Variants in CMYA5 observed in about 807,000 individuals in gnomAD.
CMYA5 encodes the protein cardiomyopathy associated 5, also known as cardiomyopathy-associated protein 5.
CMYA5 carries 246 observed loss-of-function variants against 318.9 expected under a neutral mutation model. The observed-to-expected ratio is 0.77, with a 90% CI of 0.70 to 0.86. CMYA5 has a LOEUF of 0.86. Among genes scored for constraint, CMYA5 ranks in the 40% least tolerant of loss-of-function variants. The pLI is 0.00. For missense variants in CMYA5, 4,589 were observed against 4,678.2 expected (o/e 0.98, Z 0.56); for synonymous variants, 1,641 against 1,729.5 (o/e 0.95, Z 1.27).
rs369373047 is a variant in CMYA5 at position 79,733,047 on chromosome 5, G to A, written c.4282G>A (p.Glu1428Lys). ...GGCAATTAAAGGTGCTTCTCCCATT[G>A]AAACTTCATCCAAACATTTAGCTTG... Reference protein sequence around the residue: ...KVAIKGASPIETSSKHLAWSE... With the variant: ...KVAIKGASPIKTSSKHLAWSE... The change falls in exon 2 of 13, where the codon GAA becomes AAA. Residue 1428 changes from glutamate to lysine, a missense_variant. Transcript: ENST00000446378. 1.5e-4 allele frequency: 237 copies of A among 1,613,264 alleles called. No individual in the cohort carries two copies. Among genetic ancestry groups the A allele is most frequent in the Non-Finnish European group, 1.9e-4 (221 of 1,179,646 alleles).
In CMYA5 at chr5:79,758,064, T is replaced by C. The variant is rs181540698; in HGVS notation, c.11111-689T>C. Reference sequence around the variant, plus strand: ...GACCAATATGGTGAACCCCCACCTCTACTAAAAATACAAAAATTAGCCAGG... The same window carrying C: ...GACCAATATGGTGAACCCCCACCTCCACTAAAAATACAAAAATTAGCCAGG... On this transcript the variant is annotated intron_variant, in intron 6 of 12. Coordinates refer to ENST00000446378, the MANE Select transcript of CMYA5 (RefSeq NM_153610.5). Among the ~76,000 whole-genome samples, 5 of 152,126 alleles carry C rather than the reference T, an allele frequency of 3.3e-5. No individual in the cohort carries two copies. The East Asian group carries it at 9.7e-4, about 29-fold the overall frequency.
chr5:79,712,488 C>T (rs566199077), intron 1 of CMYA5, among the ~76,000 whole-genome samples: 2 of 152,082 alleles, frequency 1.3e-5, no homozygotes, highest in African/African-American at 4.8e-5. Context: ...TCTAGGATTA[C>T]AGGCATGAGC....
chr5:79,774,843 G>A (rs151259769), intron 9 of CMYA5, among the ~76,000 whole-genome samples: 6 of 152,290 alleles, frequency 3.9e-5, no homozygotes, highest in African/African-American at 1.4e-4. Flanking sequence ...GACAAATAAG[G>A]GTAAGTTTCC....
At chr5:79,704,648 A>G (rs1274523898) in intron 1 of CMYA5, among the ~76,000 whole-genome samples, 1 of 152,078 alleles carries the variant, frequency 6.6e-6, no homozygotes, top group Non-Finnish European at 1.5e-5. Flanking sequence ...ATTTTCTGTT[A>G]CTGAGGGTGC....
At chr5:79,753,316 T>C (rs1017359427) in intron 6 of CMYA5, among the ~76,000 whole-genome samples, 20 of 152,286 alleles carry the variant, frequency 1.3e-4, no homozygotes, top group African/African-American at 4.8e-4. Context: ...GTCAGAAGCA[T>C]CCTGCCAGCT....
chr5:79,730,100 A>G lies in CMYA5; in HGVS notation c.1335A>G (p.Ala445=), dbSNP rs780060750. 2 of 1,613,814 alleles carry G rather than the reference A, an allele frequency of 1.2e-6. No homozygotes were observed. The highest frequency in any genetic ancestry group is 1.7e-6 in the Non-Finnish European group (2 of 1,179,884). Residue 445 remains alanine (A), a synonymous_variant, in exon 2 of 13, where the codon GCA becomes GCG. Coordinates refer to ENST00000446378, the MANE Select transcript of CMYA5 (RefSeq NM_153610.5). Reference sequence around the variant, plus strand: ...AGGCAGCGTCACCAGGTCTGGCAGCATCTACCCAGGATGGTTTGGACCCAG... The same window carrying G: ...AGGCAGCGTCACCAGGTCTGGCAGCGTCTACCCAGGATGGTTTGGACCCAG... ...SLEAASPGLA[A]STQDGLDPDQ...
intron 1 of CMYA5, among the ~76,000 whole-genome samples, chr5:79,690,479 C>CAGTA (rs1180481661): frequency 6.6e-6 from 1 of 152,096 alleles, no homozygotes; most frequent in East Asian, 1.9e-4. Flanking sequence ...GGGGGCCTAG[C>CAGTA]AGTAGGCTAG....
In CMYA5 at chr5:79,742,083, CTTCTTCTTCTTCTTCTTTCTTCTTCTCT is replaced by C. The variant is rs1561215595; in HGVS notation, c.10639-1742_10639-1715del. Reference sequence around the variant, plus strand: ...TCTTCTTCTTCTTCTTCTTCTTCTTCTTCTTCTTCTTCTTCTTTCTTCTTCTCTTCTTCTTCTTCTTCCTCCTCCTCCC... The same window carrying C: ...TCTTCTTCTTCTTCTTCTTCTTCTTCTCTTCTTCTTCTTCCTCCTCCTCCC... On this transcript the variant is annotated intron_variant, in intron 2 of 12. Transcript: ENST00000446378. 3.9e-4 allele frequency among the ~76,000 whole-genome samples: 44 copies of C among 111,420 alleles called. 1 individual carries two copies. The highest frequency in any genetic ancestry group is 1.5e-3 in the African/African-American group (38 of 25,732). 73.1% of individuals were successfully genotyped at this position (111,420 alleles called of 152,430 possible).
At chr5:79,721,309 C>T (rs1028453300) in intron 1 of CMYA5, among the ~76,000 whole-genome samples, 21 of 151,682 alleles carry the variant, frequency 1.4e-4, no homozygotes, top group Non-Finnish European at 2.9e-4. Flanking sequence ...CATATTGAGA[C>T]CCCCATGTCT....
In CMYA5 at chr5:79,758,843, T is replaced by C; in HGVS notation, c.11201T>C (p.Val3734Ala). 22 of 1,605,932 alleles carry C rather than the reference T, an allele frequency of 1.4e-5. No homozygotes were observed. Among genetic ancestry groups the C allele is most frequent in the Non-Finnish European group, 1.9e-5 (22 of 1,176,286 alleles). Residue 3734 changes from valine (V) to alanine (A), a missense_variant, in exon 7 of 13, where the codon GTC becomes GCC. Coordinates refer to ENST00000446378, the MANE Select transcript of CMYA5 (RefSeq NM_153610.5). ...AVYWSMNKED[V>A]IDSFQVYCME... ...TACTGGAGCATGAACAAGGAAGATG[T>C]CATTGATTCATTTCAGGTTTACTGC... is the stretch of plus-strand genomic sequence containing the variant.
Position 79,739,394 on chromosome 5 carries a change from T to C in CMYA5, c.10629T>C (p.Ser3543=). ...HEVSTLDTAI[S]AVKVQLAEFL... ...TTTCAACGCTTGACACAGCTATAAG[T>C]GCTGTAAAGGTAAATAGATGTTGAA... is the stretch of plus-strand genomic sequence containing the variant. Residue 3543 remains serine (S), a synonymous_variant, in exon 2 of 13, where the codon AGT becomes AGC. Transcript: ENST00000446378. The C allele has an allele frequency of 6.6e-7, 1 of 1,526,292 alleles. No homozygotes were observed. The highest frequency in any genetic ancestry group is 8.8e-7 in the Non-Finnish European group (1 of 1,137,966). 94.5% of individuals were successfully genotyped at this position (1,526,292 alleles called of 1,614,324 possible). A position where few individuals can be genotyped will look rare whatever the true frequency, so the allele number is the denominator to read the frequency against.
chr5:79,776,127 A>G (rs1348709675), intron 9 of CMYA5, among the ~76,000 whole-genome samples: 2 of 152,168 alleles, frequency 1.3e-5, no homozygotes, highest in Non-Finnish European at 2.9e-5. Context: ...TCACACCTGT[A>G]ATCTCAGCAC....
rs75199077 is a variant in CMYA5, at chr5:79,695,858, A to G, written c.149+5802A>G. On this transcript the variant is annotated intron_variant, in intron 1 of 12. Transcript: ENST00000446378. ...CTGCAGTTGGGCAGAAAGATATTCC[A>G]GGCACAATATGTGGTTAGGTATTCC... Among the ~76,000 whole-genome samples the G allele has an allele frequency of 1.5e-4, 23 of 152,380 alleles. 1 individual carries two copies. The East Asian group carries it at 4.2e-3, about 28-fold the overall frequency.
At chr5:79,774,335 T>G (rs779999077) in intron 9 of CMYA5, 1 of 152,184 alleles carries the variant, frequency 6.6e-6, no homozygotes, top group Non-Finnish European at 1.5e-5. Flanking sequence ...CTGAGGGAGC[T>G]CCTACTCACC....
intron 1 of CMYA5, among the ~76,000 whole-genome samples, chr5:79,707,155 C>T (rs546229830): frequency 1.3e-5 from 2 of 152,146 alleles, no homozygotes; most frequent in South Asian, 4.2e-4. Flanking sequence ...TTTCAGGGTC[C>T]TAAATGATGA....
Position 79,790,966 on chromosome 5 carries a change from A to G in CMYA5, c.11690-4A>G, listed in dbSNP as rs746906185. On this transcript the variant is annotated splice_region_variant and splice_polypyrimidine_tract_variant and intron_variant, in intron 10 of 12. Transcript: ENST00000446378. ...TTTTAATACTATTTTCTCACCTGCA[A>G]TAGGAACCAGATTTCTCTTGTTGAG... 15 of 1,608,476 alleles carry G rather than the reference A, an allele frequency of 9.3e-6. No homozygotes were observed. Among genetic ancestry groups the G allele is most frequent in the African/African-American group, 6.7e-5 (5 of 74,844 alleles).
At chr5:79,692,952 C>T (rs540406076) in intron 1 of CMYA5, among the ~76,000 whole-genome samples, 3 of 152,220 alleles carry the variant, frequency 2.0e-5, no homozygotes, top group East Asian at 3.9e-4. Flanking sequence ...AATAAGAATC[C>T]ATTACTGTCC....
intron 1 of CMYA5, 91 bp downstream of exon 1, chr5:79,690,147 C>A: frequency 7.4e-7 from 1 of 1,359,902 alleles, no homozygotes; most frequent in South Asian, 1.7e-5. Flanking sequence ...CTCTGGGGTT[C>A]GTTTGCCTCG....
intron 9 of CMYA5, among the ~76,000 whole-genome samples, chr5:79,775,071 A>G (rs1177395764): frequency 6.6e-6 from 1 of 152,136 alleles, no homozygotes; most frequent in Non-Finnish European, 1.5e-5. Flanking sequence ...CAAAGTTCTT[A>G]TTGAGTAATT....
Sources: gnomAD v4.1 joint callset for allele counts (sites outside exome capture counted in the v4.1 genomes callset) on GRCh38, gnomAD v4.1.1 for gene constraint, MANE v1.5 for transcripts, NCBI Gene and HGNC (gene_info 2026-07-23, HGNC 2026-07-21) for gene names.